The following ARHGEF3 variants were observed in gnomAD, a reference collection of about 807,000 sequenced individuals.
ARHGEF3 encodes 59.8 kDA protein.
A neutral mutation model predicts 63.2 loss-of-function variants in ARHGEF3; 28 were observed. The observed-to-expected ratio is 0.44, with a 90% CI of 0.33 to 0.61. ARHGEF3 has a LOEUF of 0.61. ARHGEF3 is among the 20% of genes least tolerant of loss of function. The pLI, the probability that ARHGEF3 is intolerant of heterozygous loss-of-function variation, is 0.03. For synonymous variants in ARHGEF3, 266 were observed against 254.2 expected, an observed-to-expected ratio of 1.05 and a Z score of -0.44; for missense variants, 533 against 659.3, an observed-to-expected ratio of 0.81 and a Z score of 2.10.
In ARHGEF3 at chr3:56,886,251, C is replaced by T. The variant is rs572485034; in HGVS notation, c.130-3897G>A. Among the ~76,000 whole-genome samples, 2 of 152,240 alleles carry T rather than the reference C, an allele frequency of 1.3e-5. 1 individual carries two copies. The highest frequency in any genetic ancestry group is 4.1e-4 in the South Asian group (2 of 4,824). ...GACTTGGTCAGTCATGCTCACAGTC[C>T]CAGAGCCTGGGACAATCCCTGGTAC... On this transcript the variant is annotated intron_variant, in intron 3 of 12. Transcript: ENST00000338458.
At chr3:56,830,267 G>C (rs894626004) in intron 4 of ARHGEF3, among the ~76,000 whole-genome samples, 2 of 152,160 alleles carry the variant, frequency 1.3e-5, no homozygotes, top group African/African-American at 4.8e-5. Context: ...TGCTGGTGGG[G>C]ATGGTTGGTG....
At chr3:57,040,679 C>T (rs1449338431) in intron 1 of ARHGEF3, among the ~76,000 whole-genome samples, 1 of 151,808 alleles carries the variant, frequency 6.6e-6, no homozygotes, top group Admixed American at 6.6e-5. Context: ...ATGACCGGTG[C>T]CCTTCTCTGT....
intron 2 of ARHGEF3, among the ~76,000 whole-genome samples, chr3:56,968,609 G>A (rs9826619): frequency 1.0e-3 from 155 of 150,830 alleles, no homozygotes; most frequent in African/African-American, 3.6e-3. Context: ...GATTACAGGT[G>A]TGAGCCACCA....
chr3:56,992,024 CTGTGTGTGTGTGTGTGTGTG>C (rs58860849), intron 2 of ARHGEF3, among the ~76,000 whole-genome samples: 31 of 131,716 alleles, frequency 2.4e-4, no homozygotes, highest in Middle Eastern at 3.7e-3. Context: ...CCTCCTCTCT[CTGTGTGTGTGTGTGTGTGTG>C]TGTGTGTGTG....
chr3:56,996,887 ATTAT>A (rs1440985340), intron 2 of ARHGEF3, among the ~76,000 whole-genome samples: 3 of 102,568 alleles, frequency 2.9e-5, no homozygotes, highest in African/African-American at 9.7e-5. Context: ...TATTATTATT[ATTAT>A]TTTTTTTTTT....
chr3:56,979,673 G>C (rs13074912), intron 2 of ARHGEF3, among the ~76,000 whole-genome samples: 20,902 of 152,262 alleles, frequency 0.14, 1,825 homozygotes, highest in Non-Finnish European at 0.19. Context: ...CCATGGCAAC[G>C]CTGGGGCTCA....
chr3:56,755,876 G>C (rs569122633), intron 2 of ARHGEF3, among the ~76,000 whole-genome samples: 3 of 152,164 alleles, frequency 2.0e-5, no homozygotes, highest in African/African-American at 7.2e-5. Context: ...AGGCAGGAAG[G>C]GAGCAAGCTT....
intron 3 of ARHGEF3, among the ~76,000 whole-genome samples, chr3:56,920,614 T>C (rs2042101155): frequency 6.6e-6 from 1 of 152,264 alleles, no homozygotes; most frequent in Admixed American, 6.5e-5. Context: ...TTCCTTAATG[T>C]CTTTCTTATT....
intron 2 of ARHGEF3, among the ~76,000 whole-genome samples, chr3:56,966,397 G>A (rs1700496407): frequency 6.6e-6 from 1 of 152,208 alleles, no homozygotes; most frequent in Admixed American, 6.5e-5. Flanking sequence ...CATAAATGTG[G>A]ACATTATCCT....
chr3:57,074,904 AAC>A (rs1706139788), intron 1 of ARHGEF3: 1 of 167,248 alleles, frequency 6.0e-6, no homozygotes, highest in Non-Finnish European at 1.5e-5. Flanking sequence ...TGACCATCAG[AAC>A]ACACAACGCC....
intron 1 of ARHGEF3, among the ~76,000 whole-genome samples, chr3:57,077,957 A>C (rs796211115): frequency 1.4e-4 from 22 of 152,318 alleles, no homozygotes; most frequent in African/African-American, 5.3e-4. Context: ...CCTTACCAGA[A>C]TAAGGGGAAG....
At chr3:56,964,285 A>G (rs1249706408) in intron 2 of ARHGEF3, among the ~76,000 whole-genome samples, 1 of 150,952 alleles carries the variant, frequency 6.6e-6, no homozygotes, top group African/African-American at 2.4e-5. Context: ...CCCGGGAGGC[A>G]CAGGTTGCAG....
At chr3:56,763,612 G>A (rs1232257184) in intron 2 of ARHGEF3, among the ~76,000 whole-genome samples, 2 of 152,238 alleles carry the variant, frequency 1.3e-5, no homozygotes, top group Non-Finnish European at 2.9e-5. Flanking sequence ...GCAGAGTTAA[G>A]TGAGAGAAGA....
chr3:56,863,461 G>A (rs953506509), intron 4 of ARHGEF3, among the ~76,000 whole-genome samples: 8 of 152,188 alleles, frequency 5.3e-5, no homozygotes, highest in Admixed American at 3.9e-4. Flanking sequence ...CACCATGCCC[G>A]GCTAATTTTC....
intron 4 of ARHGEF3, among the ~76,000 whole-genome samples, chr3:56,863,104 A>G (rs2040133008): frequency 6.6e-6 from 1 of 152,240 alleles, no homozygotes; most frequent in East Asian, 1.9e-4. Flanking sequence ...AAACTCAGAT[A>G]CTGATCTCCT....
upstream of ARHGEF3, among the ~76,000 whole-genome samples, chr3:56,804,638 G>C (rs749903099): frequency 6.6e-6 from 1 of 152,156 alleles, no homozygotes; most frequent in Admixed American, 6.5e-5. Context: ...TTTTTCCCTC[G>C]ATAGATAACC....
At chr3:57,049,246 G>C (rs1704577607) in intron 1 of ARHGEF3, among the ~76,000 whole-genome samples, 1 of 152,174 alleles carries the variant, frequency 6.6e-6, no homozygotes. Flanking sequence ...ATGCATGCCT[G>C]TAGTCTCAGC....
chr3:56,737,318 G>C lies in ARHGEF3; in HGVS notation c.908C>G (p.Thr303Ser), dbSNP rs773744721. The part of the protein sequence containing the change: ...IIQGIVAEIN[T>S]KTGESECRYY... ...GCGGCATTCAGATTCACCAGTCTTGGTGTTGATTTCTGCCACAATTCCCTG... is the reference window on the plus strand; with the variant it reads ...GCGGCATTCAGATTCACCAGTCTTGCTGTTGATTTCTGCCACAATTCCCTG... Residue 303 changes from threonine to serine, a missense_variant, in exon 8 of 10, where the codon ACC becomes AGC. This residue lies in a region of ARHGEF3 where 151 missense variants were observed against 190.7 expected (regional missense o/e 0.79). Coordinates refer to ENST00000296315, the MANE Select transcript of ARHGEF3 (RefSeq NM_019555.3). The C allele has an allele frequency of 1.2e-6, 2 of 1,613,150 alleles. No homozygotes were observed. Among genetic ancestry groups the C allele is most frequent in the South Asian group, 1.1e-5 (1 of 91,028 alleles).
intron 2 of ARHGEF3, among the ~76,000 whole-genome samples, chr3:56,770,059 A>G (rs2035922031): frequency 6.6e-6 from 1 of 152,218 alleles, no homozygotes; most frequent in Admixed American, 6.5e-5. Context: ...AAGTGAGCCC[A>G]CTGAGCACCC....
Sources: allele counts gnomAD v4.1 joint callset (sites outside exome capture counted in the v4.1 genomes callset), GRCh38; gene constraint gnomAD v4.1.1; regional missense constraint gnomAD v4.1.1; transcripts MANE v1.5; gene names NCBI Gene and HGNC (gene_info 2026-07-23, HGNC 2026-07-21).